The following RGS12 variants were observed in gnomAD, a reference collection of about 807,000 sequenced individuals.
RGS12 encodes regulator of G-protein signaling 12.
Under a neutral mutation model 120.1 loss-of-function variants are expected in RGS12, and 66 were observed. The observed-to-expected ratio is 0.55, with a 90% CI of 0.45 to 0.67. RGS12 has a LOEUF of 0.67. Among genes scored for constraint, RGS12 ranks in the 30% least tolerant of loss-of-function variants. The pLI, the probability that RGS12 is intolerant of heterozygous loss-of-function variation, is 0.00. For missense variants in RGS12, 1,859 were observed against 1,957.7 expected (o/e 0.95, Z 0.95); for synonymous variants, 827 against 804.7 (o/e 1.03, Z -0.47).
intron 4 of RGS12, among the ~76,000 whole-genome samples, chr4:3,406,923 A>G (rs1208137663): frequency 6.6e-6 from 1 of 152,248 alleles, no homozygotes; most frequent in Non-Finnish European, 1.5e-5. Flanking sequence ...AGTTTGGTAT[A>G]GTTGCTTATT....
intron 10 of RGS12, among the ~76,000 whole-genome samples, chr4:3,421,255 G>A (rs751848121): frequency 4.6e-5 from 7 of 152,188 alleles, no homozygotes; most frequent in African/African-American, 9.7e-5. Context: ...GGCAGGACTC[G>A]TGAGCTTGTT....
At chr4:3,340,299 A>G (rs1401735198) in intron 2 of RGS12, among the ~76,000 whole-genome samples, 1 of 152,198 alleles carries the variant, frequency 6.6e-6, no homozygotes, top group African/African-American at 2.4e-5. Context: ...CTGTCGTCCC[A>G]TGGCAGTCCC....
chr4:3,333,051 CTT>C (rs557032927), intron 2 of RGS12, among the ~76,000 whole-genome samples: 3 of 124,982 alleles, frequency 2.4e-5, no homozygotes, highest in Admixed American at 8.2e-5. Context: ...GTCTCAAACT[CTT>C]TTTTTTTTTT....
chr4:3,309,644 G>T (rs73795505), intron 1 of RGS12, among the ~76,000 whole-genome samples: 5,077 of 28,302 alleles, frequency 0.18, 358 homozygotes, highest in Middle Eastern at 0.25. Context: ...GGAACCGTGT[G>T]GGGGAGGAGC....
intron 6 of RGS12, among the ~76,000 whole-genome samples, chr4:3,415,346 T>C (rs1722263750): frequency 6.6e-6 from 1 of 152,192 alleles, no homozygotes; most frequent in Non-Finnish European, 1.5e-5. Context: ...TAAATATACA[T>C]GATATTTAAT....
At chr4:3,432,468 G>A (rs1181256423) in intron 17 of RGS12, among the ~76,000 whole-genome samples, 4 of 152,198 alleles carry the variant, frequency 2.6e-5, no homozygotes, top group Admixed American at 6.5e-5. Flanking sequence ...CCCACACCCC[G>A]GCCCTGCAGC....
chr4:3,375,236 GCCTCATCTCCAGC>G lies in RGS12; in HGVS notation c.1999-11152_1999-11140del. ...AACGTTTCCCTGGGCGTGAACTCCA[GCCTCATCTCCAGC>G]CCTCATCTCCAGCCCTCATCTCCAG... On this transcript the variant is annotated intron_variant, in intron 3 of 17. Transcript: ENST00000336727. 7.6e-3 allele frequency among the ~76,000 whole-genome samples: 1,151 copies of G among 150,538 alleles called. 21 individuals carry two copies. The highest frequency in any genetic ancestry group is 0.024 in the African/African-American group (974 of 40,630).
chr4:3,298,650 T>A (rs1202597659), intron 1 of RGS12, among the ~76,000 whole-genome samples: 1 of 152,236 alleles, frequency 6.6e-6, no homozygotes, highest in East Asian at 1.9e-4. Flanking sequence ...CCTCCTGGGA[T>A]TTTTGGCTTC....
chr4:3,398,297 T>TA (rs775864498), intron 4 of RGS12, among the ~76,000 whole-genome samples: 4 of 152,214 alleles, frequency 2.6e-5, no homozygotes, highest in Non-Finnish European at 5.9e-5. Flanking sequence ...CTCTCCACTT[T>TA]GATTGTTAAA....
chr4:3,312,844 A>G, intron 1 of RGS12: 1 of 195,938 alleles, frequency 5.1e-6, no homozygotes, highest in South Asian at 1.2e-4. Flanking sequence ...GTTCCAAGGA[A>G]GACAAGCTGA....
In RGS12 at chr4:3,420,820, C is replaced by T. The variant is rs1057046024; in HGVS notation, c.2838+102C>T. 1.5e-5 allele frequency: 16 copies of T among 1,047,834 alleles called. No individual in the cohort carries two copies. The Admixed American group carries it at 2.3e-4, about 15-fold the overall frequency. The allele number at this position is 1,047,834 out of a possible 1,614,324, so 64.9% of individuals were successfully genotyped here. ...GGAAACCTGTGTTTACAAAACTCAG[C>T]GTTCACTTTGTAAAGCTGGGGGACA... On this transcript the variant is annotated intron_variant, in intron 10 of 17. Coordinates refer to ENST00000336727, the MANE Select transcript of RGS12 (RefSeq NM_001394154.1).
rs1235512752 is a variant in RGS12 at position 3,366,079 on chromosome 4, G to A, written c.1999-20337G>A. Among the ~76,000 whole-genome samples the A allele has an allele frequency of 6.6e-6, 1 of 151,402 alleles. No individual in the cohort carries two copies. Among genetic ancestry groups the A allele is most frequent in the Non-Finnish European group, 1.5e-5 (1 of 67,492 alleles). On this transcript the variant is annotated intron_variant, in intron 3 of 17. Transcript: ENST00000336727. This position sits in a 1 kb window ranked among gnomAD's most constrained non-coding sequence, Gnocchi z 4.0. ...GTGAGCAGCTGCAGGCCAGGCAGTG[G>A]TGGGACCTCATCTGGGGGGTGCTGG...
chr4:3,326,202 A>G (rs1224422460), intron 2 of RGS12, among the ~76,000 whole-genome samples: 1 of 152,208 alleles, frequency 6.6e-6, no homozygotes, highest in Non-Finnish European at 1.5e-5. Flanking sequence ...AATAAAAGGC[A>G]TACCAATTAG....
At chr4:3,413,205 C>T (rs534615269) in intron 4 of RGS12, 4 of 152,294 alleles carry the variant, frequency 2.6e-5, no homozygotes, top group Admixed American at 1.3e-4. Context: ...GGGGGCGCCC[C>T]CACACTGCTC....
chr4:3,408,213 T>C (rs978782329), intron 4 of RGS12, among the ~76,000 whole-genome samples: 8 of 152,182 alleles, frequency 5.3e-5, no homozygotes, highest in African/African-American at 1.9e-4. Flanking sequence ...AATGGTGGCT[T>C]GTGCAAGGAA....
intron 4 of RGS12, among the ~76,000 whole-genome samples, chr4:3,401,118 G>A (rs980591413): frequency 1.7e-4 from 26 of 152,098 alleles, no homozygotes; most frequent in African/African-American, 5.1e-4. Context: ...CAACCCTGGC[G>A]GCTTTCCTAA....
At chr4:3,421,856 A>G (rs1723055112) in intron 10 of RGS12, among the ~76,000 whole-genome samples, 1 of 152,238 alleles carries the variant, frequency 6.6e-6, no homozygotes, top group Non-Finnish European at 1.5e-5. Flanking sequence ...GTTGGGAACC[A>G]CTTGTGCAGC....
At chr4:3,287,548 G>A in the RGS12 span, among the ~76,000 whole-genome samples, 1 of 152,222 alleles carries the variant, frequency 6.6e-6, no homozygotes, top group Non-Finnish European at 1.5e-5. Flanking sequence ...TGGCCTTTGG[G>A]ACCTCCCCAG....
At chr4:3,297,313 GTT>G (rs1368563645) in intron 1 of RGS12, among the ~76,000 whole-genome samples, 1 of 152,200 alleles carries the variant, frequency 6.6e-6, no homozygotes, top group Non-Finnish European at 1.5e-5. Flanking sequence ...GAAGCGTCCA[GTT>G]GTAGGCATTC....
Sources: allele counts gnomAD v4.1 joint callset (sites outside exome capture counted in the v4.1 genomes callset), GRCh38; gene constraint gnomAD v4.1.1; non-coding constraint Gnocchi (gnomAD v3.1); transcripts MANE v1.5; gene names NCBI Gene and HGNC (gene_info 2026-07-23, HGNC 2026-07-21).